YLPM1: variants seen among roughly 807,000 people sequenced by gnomAD.
The protein encoded by YLPM1 is YLP motif-containing protein 1.
Under a neutral mutation model 230.0 loss-of-function variants are expected in YLPM1, and 99 were observed. The ratio of observed to expected loss-of-function variants is 0.43; its 90% CI spans 0.37 to 0.51. YLPM1 has a LOEUF of 0.51. Ranked by LOEUF, YLPM1 falls within the 20% of genes least tolerant of loss-of-function variation. The probability of loss-of-function intolerance (pLI) is 0.00; values close to 1 mark genes in which losing one functional copy is unlikely to be tolerated. For missense variants in YLPM1, 2,592 were observed against 2,707.7 expected (o/e 0.96, Z 0.95); for synonymous variants, 984 against 942.5 (o/e 1.04, Z -0.81).
At chr14:74,812,529 C>A in intron 10 of YLPM1, 99 bp from the exon 11 acceptor site, 1 of 1,228,926 alleles carries the variant, frequency 8.1e-7, no homozygotes, top group Non-Finnish European at 1.1e-6. Context: ...AATCACTGGA[C>A]TTGGTTTGAA....
At chr14:74,782,431 T>G in intron 4 of YLPM1, 106 bp downstream of exon 4, 1 of 1,305,074 alleles carries the variant, frequency 7.7e-7, no homozygotes, top group East Asian at 2.5e-5. Flanking sequence ...ATGTTTATAC[T>G]CTCTTTGTAC....
At chr14:74,830,919 G>A (rs1342172122) in intron 19 of YLPM1, among the ~76,000 whole-genome samples, 2 of 152,136 alleles carry the variant, frequency 1.3e-5, no homozygotes, top group Non-Finnish European at 2.9e-5. Context: ...CATGAGATTT[G>A]AAGGGGACAA....
intron 20 of YLPM1, 116 bp from the exon 21 acceptor site, chr14:74,835,659 T>C: frequency 2.1e-6 from 1 of 472,798 alleles, no homozygotes; most frequent in Non-Finnish European, 3.8e-6. Flanking sequence ...AATAAAAACC[T>C]TGAGAAAAAC....
chr14:74,797,520 A>G, intron 4 of YLPM1, 60 bp from the exon 5 acceptor site: 2 of 1,360,280 alleles, frequency 1.5e-6, no homozygotes, highest in Non-Finnish European at 9.7e-7. Flanking sequence ...ATATTCTTAC[A>G]TGGAGAATTT....
Position 74,797,533 on chromosome 14 carries a change from T to C in YLPM1, c.2283-47T>C, listed in dbSNP as rs567901523. 2.1e-6 allele frequency: 3 copies of C among 1,397,444 alleles called. No individual in the cohort carries two copies. In the East Asian group the frequency reaches 7.6e-5, roughly 36 times the overall value. 86.6% of individuals were successfully genotyped at this position (1,397,444 alleles called of 1,614,324 possible). ...AAATATTCTTACATGGAGAATTTTT[T>C]TTTTCTGCTTTACTGTCTTGAGTAA... is the stretch of plus-strand genomic sequence containing the variant. On this transcript the variant is annotated intron_variant, in intron 4 of 20. Transcript: ENST00000325680.
chr14:74,829,384 C>T, intron 19 of YLPM1, 41 bp downstream of exon 19: 5 of 1,608,594 alleles, frequency 3.1e-6, no homozygotes, highest in Non-Finnish European at 4.2e-6. Flanking sequence ...ATGAAGGGCC[C>T]ATTTAGGCAT....
intron 1 of YLPM1, among the ~76,000 whole-genome samples, chr14:74,773,367 A>T (rs1286167137): frequency 1.5e-5 from 2 of 134,468 alleles, no homozygotes; most frequent in African/African-American, 7.1e-5. Context: ...ACAAGTTCTT[A>T]ACCCTGGTCT....
At chr14:74,768,277 T>C (rs969145566) in intron 1 of YLPM1, among the ~76,000 whole-genome samples, 1 of 152,100 alleles carries the variant, frequency 6.6e-6, no homozygotes, top group African/African-American at 2.4e-5. Context: ...TGAGAGAGAG[T>C]CTCACTCTGT....
intron 8 of YLPM1, 73 bp from the exon 9 acceptor site, chr14:74,810,152 A>G (rs2091419674): frequency 4.5e-6 from 7 of 1,539,910 alleles, no homozygotes; most frequent in South Asian, 1.3e-5. Context: ...CCAGCTCTGA[A>G]GTTAGATTTA....
intron 3 of YLPM1, 33 bp downstream of exon 3, chr14:74,780,617 G>T (rs757725578): frequency 6.5e-7 from 1 of 1,528,290 alleles, no homozygotes; most frequent in East Asian, 2.4e-5. Flanking sequence ...ATAGGAAGTT[G>T]CCCCAAGACA....
intron 17 of YLPM1, among the ~76,000 whole-genome samples, chr14:74,822,862 G>C (rs553145102): frequency 1.3e-5 from 2 of 152,198 alleles, no homozygotes; most frequent in African/African-American, 4.8e-5. Context: ...GTTTGTAGGG[G>C]ATCATTGGTA....
chr14:74,834,631 A>C (rs760548540), intron 19 of YLPM1, among the ~76,000 whole-genome samples: 24 of 152,356 alleles, frequency 1.6e-4, no homozygotes, highest in Admixed American at 3.9e-4. Flanking sequence ...CAAGTGGATA[A>C]GGTTAGGGAA....
chr14:74,802,965 A>G (rs890736853), intron 6 of YLPM1, among the ~76,000 whole-genome samples: 9 of 152,092 alleles, frequency 5.9e-5, no homozygotes, highest in Non-Finnish European at 1.2e-4. Context: ...TTTATGTTAA[A>G]ATAGTCCTGT....
intron 4 of YLPM1, among the ~76,000 whole-genome samples, chr14:74,795,847 A>C (rs2091255385): frequency 6.6e-6 from 1 of 152,208 alleles, no homozygotes; most frequent in African/African-American, 2.4e-5. Context: ...AACAAGTTAG[A>C]AGTTTATTCT....
intron 19 of YLPM1, among the ~76,000 whole-genome samples, chr14:74,832,991 C>T (rs976797148): frequency 6.6e-6 from 1 of 151,480 alleles, no homozygotes; most frequent in African/African-American, 2.4e-5. Flanking sequence ...CTGAGGATGC[C>T]GTGGGAATGG....
intron 19 of YLPM1, among the ~76,000 whole-genome samples, chr14:74,829,741 C>A (rs2091593612): frequency 1.3e-5 from 2 of 152,100 alleles, no homozygotes; most frequent in Admixed American, 1.3e-4. Context: ...GCCATGAGCA[C>A]TGCATGTGTG....
At chr14:74,815,583 T>G (rs1318346152) in intron 11 of YLPM1, among the ~76,000 whole-genome samples, 1 of 151,850 alleles carries the variant, frequency 6.6e-6, no homozygotes, top group Non-Finnish European at 1.5e-5. Context: ...AAAAAGTTGG[T>G]CTTTTTAAAG....
At chr14:74,822,389 T>C (rs1011147395) in intron 17 of YLPM1, among the ~76,000 whole-genome samples, 1 of 151,996 alleles carries the variant, frequency 6.6e-6, no homozygotes, top group Non-Finnish European at 1.5e-5. Context: ...AGGTCAAAAC[T>C]TGGGAACTTT....
rs1453660598 is a variant in YLPM1, at chr14:74,782,164, T to C, written c.2121T>C (p.Ser707=). The C allele has an allele frequency of 1.2e-6, 2 of 1,612,470 alleles. No homozygotes were observed. Among genetic ancestry groups the C allele is most frequent in the African/African-American group, 1.3e-5 (1 of 75,054 alleles). The change falls in exon 4 of 21, where the codon TCT becomes TCC. Residue 707 remains serine, a synonymous_variant. Coordinates refer to ENST00000325680, the MANE Select transcript of YLPM1 (RefSeq NM_019589.3). The part of the protein sequence containing the change: ...QVNSKAPLSK[S]ALPYSSFSSD... ...ATTCAAAAGCTCCTTTGAGCAAGTC[T>C]GCTCTGCCATACAGTTCATTCTCAT...
Sources: allele counts gnomAD v4.1 joint callset (sites outside exome capture counted in the v4.1 genomes callset), GRCh38; gene constraint gnomAD v4.1.1; transcripts MANE v1.5; gene names NCBI Gene and HGNC (gene_info 2026-07-23, HGNC 2026-07-21).